The following RBM44 variants were observed in gnomAD, a reference collection of about 807,000 sequenced individuals.
RBM44 encodes RNA binding motif protein 44.
Under a neutral mutation model 105.1 loss-of-function variants are expected in RBM44, and 66 were observed. The observed-to-expected ratio is 0.63, with a 90% CI of 0.52 to 0.77. RBM44 has a LOEUF of 0.77. RBM44 is among the 30% of genes least tolerant of loss of function. RBM44 has a pLI of 0.00. For missense variants in RBM44, 1,122 were observed against 1,207.8 expected, an observed-to-expected ratio of 0.93 and a Z score of 1.05; for synonymous variants, 365 against 417.6, an observed-to-expected ratio of 0.87 and a Z score of 1.54.
chr2:237,823,630 C>A, intron 9 of RBM44, 76 bp downstream of exon 9: 2 of 652,572 alleles, frequency 3.1e-6, no homozygotes, highest in South Asian at 2.1e-5. Flanking sequence ...AGTGTTTATT[C>A]ATTAAATAAA....
rs2061681473 is a variant in RBM44, at chr2:237,813,586, T to G, written c.-18-6T>G. On this transcript the variant is annotated splice_polypyrimidine_tract_variant and splice_region_variant and intron_variant, in intron 1 of 15. Coordinates refer to ENST00000316997, the MANE Select transcript of RBM44 (RefSeq NM_001080504.3). ...AATAATAGTTCAATATTTATACCTT[T>G]TCTAGATTATATATCTTTGAATGAT... The G allele has an allele frequency of 6.7e-7, 1 of 1,494,228 alleles. No individual in the cohort carries two copies. Among genetic ancestry groups the G allele is most frequent in the African/African-American group, 1.4e-5 (1 of 72,434 alleles). The allele number at this position is 1,494,228 out of a possible 1,614,324, so 92.6% of individuals were successfully genotyped here. A position where few individuals can be genotyped will look rare whatever the true frequency, so the allele number is the denominator to read the frequency against.
In RBM44 at chr2:237,803,348, C is replaced by G. The variant is rs1457288598; in HGVS notation, c.-19+4487C>G. On this transcript the variant is annotated intron_variant, in intron 1 of 15. Transcript: ENST00000316997. The surrounding 1 kb of genome is among the most constrained non-coding windows in gnomAD (Gnocchi z 4.2). ...TCTCTCTCTCACACACACACACATA[C>G]TTTCTCTCTCACTCACACACACACA... is the stretch of plus-strand genomic sequence containing the variant. 6.6e-6 allele frequency among the ~76,000 whole-genome samples: 1 copy of G among 150,626 alleles called. No individual in the cohort carries two copies. Among genetic ancestry groups the G allele is most frequent in the South Asian group, 2.1e-4 (1 of 4,748 alleles).
intron 12 of RBM44, among the ~76,000 whole-genome samples, chr2:237,828,268 T>G (rs2061868500): frequency 6.6e-6 from 1 of 152,160 alleles, no homozygotes; most frequent in Admixed American, 6.6e-5. Flanking sequence ...TATAAAATTT[T>G]TATCAATTAA....
chr2:237,833,384 G>A (rs1282297978), intron 13 of RBM44, among the ~76,000 whole-genome samples: 4 of 152,188 alleles, frequency 2.6e-5, no homozygotes, highest in Non-Finnish European at 5.9e-5. Context: ...CCTACTTGCA[G>A]TGTTAACAGT....
chr2:237,830,041 A>G (rs1055997591), intron 13 of RBM44, among the ~76,000 whole-genome samples: 4 of 152,272 alleles, frequency 2.6e-5, no homozygotes, highest in East Asian at 1.9e-4. Flanking sequence ...TTTGGTGCCT[A>G]TAGCTTTAGA....
At chr2:237,811,041 AGCT>A (rs2061653390) in intron 1 of RBM44, among the ~76,000 whole-genome samples, 1 of 152,104 alleles carries the variant, frequency 6.6e-6, no homozygotes, top group South Asian at 2.1e-4. Context: ...CACGCCCTTC[AGCT>A]GCTGCAGCCT....
chr2:237,811,976 TC>T (rs1320974966), intron 1 of RBM44, among the ~76,000 whole-genome samples: 1 of 152,168 alleles, frequency 6.6e-6, no homozygotes, highest in African/African-American at 2.4e-5. Context: ...TGCCTCAGCC[TC>T]CCAAGTAGTT....
Position 237,810,253 on chromosome 2 carries a change from T to C in RBM44, c.-18-3339T>C, listed in dbSNP as rs566070925. On this transcript the variant is annotated intron_variant, in intron 1 of 15. Transcript: ENST00000316997. The stretch of plus-strand genomic sequence containing the variant: ...TGCTGGTCAATGCAGCTCTAGGTAA[T>C]TTTGCTGATCTCCAGACCTCTATAT... 5.3e-5 allele frequency among the ~76,000 whole-genome samples: 8 copies of C among 152,374 alleles called. No homozygotes were observed. In the South Asian group the frequency reaches 1.4e-3, roughly 28 times the overall value.
At chr2:237,840,060 A>G (rs890649870) in intron 15 of RBM44, among the ~76,000 whole-genome samples, 3 of 151,912 alleles carry the variant, frequency 2.0e-5, no homozygotes, top group Non-Finnish European at 4.4e-5. Context: ...ATGATAGCAC[A>G]TACCTATAGT....
At position 237,813,725 on chromosome 2, in the gene RBM44, G is replaced by T. The variant is rs773838936; in HGVS notation, c.73+43G>T. On this transcript the variant is annotated intron_variant, in intron 2 of 15. Transcript: ENST00000316997. The stretch of plus-strand genomic sequence containing the variant: ...TTACCCTTATTCTTGGTGGGGAAGG[G>T]TGTTAAATGTATTGTGCCAGACAGT... 1.4e-5 allele frequency: 18 copies of T among 1,282,612 alleles called. No homozygotes were observed. In the East Asian group the frequency reaches 1.6e-4, roughly 12 times the overall value. The allele number at this position is 1,282,612 out of a possible 1,614,324, so 79.5% of individuals were successfully genotyped here. A position where few individuals can be genotyped will look rare whatever the true frequency, so the allele number is the denominator to read the frequency against.
At chr2:237,811,280 T>G (rs1048685329) in intron 1 of RBM44, among the ~76,000 whole-genome samples, 2 of 152,080 alleles carry the variant, frequency 1.3e-5, no homozygotes, top group Non-Finnish European at 2.9e-5. Context: ...CTGTTTCTTT[T>G]TTTTCCCCTT....
intron 1 of RBM44, among the ~76,000 whole-genome samples, chr2:237,804,236 T>A (rs955179053): frequency 1.3e-5 from 2 of 152,248 alleles, no homozygotes; most frequent in African/African-American, 4.8e-5. Context: ...GTCTTTGCTA[T>A]TGTGAATAGC....
At chr2:237,805,134 T>A (rs2061585933) in intron 1 of RBM44, among the ~76,000 whole-genome samples, 1 of 152,204 alleles carries the variant, frequency 6.6e-6, no homozygotes, top group Non-Finnish European at 1.5e-5. Context: ...GATAAACACC[T>A]TCTGAAAAGT....
At chr2:237,827,628 A>T in intron 12 of RBM44, 125 bp downstream of exon 12, 1 of 638,928 alleles carries the variant, frequency 1.6e-6, no homozygotes, top group South Asian at 2.0e-5. Context: ...TTCACAGGCC[A>T]GGGAAGGGGA....
chr2:237,833,687 A>G (rs1160198711), intron 13 of RBM44, among the ~76,000 whole-genome samples: 1 of 152,142 alleles, frequency 6.6e-6, no homozygotes, highest in Non-Finnish European at 1.5e-5. Flanking sequence ...GAGAGAATTG[A>G]GAAAGTAGTT....
chr2:237,805,655 AAT>A (rs2061592264), intron 1 of RBM44, among the ~76,000 whole-genome samples: 1 of 152,210 alleles, frequency 6.6e-6, no homozygotes, highest in African/African-American at 2.4e-5. Context: ...ACTGAAAATG[AAT>A]CAAAGACTTA....
chr2:237,826,716 T>C (rs1405951008), intron 10 of RBM44, among the ~76,000 whole-genome samples: 1 of 152,102 alleles, frequency 6.6e-6, no homozygotes, highest in Non-Finnish European at 1.5e-5. Context: ...AGATTGAAAA[T>C]ATTTTTTAAA....
intron 10 of RBM44, among the ~76,000 whole-genome samples, chr2:237,826,693 G>A (rs1000636): frequency 6.6e-6 from 1 of 152,070 alleles, no homozygotes; most frequent in Non-Finnish European, 1.5e-5. Context: ...CAAAGACAAA[G>A]ACAATCAACT....
Position 237,817,282 on chromosome 2 carries a change from AAAG to A in RBM44, c.367_369del (p.Lys123del). 1 of 1,607,350 alleles carries A rather than the reference AAAG, an allele frequency of 6.2e-7. No individual in the cohort carries two copies. On this transcript the variant is annotated inframe_deletion, in exon 3 of 16. Coordinates refer to ENST00000316997, the MANE Select transcript of RBM44 (RefSeq NM_001080504.3). ...CTATACCTTATTCAGAGTCAAAACT[AAAG>A]AAGGAAAGTCTTACTCCTTTAAGTT...
Sources: gnomAD v4.1 joint callset for allele counts (sites outside exome capture counted in the v4.1 genomes callset) on GRCh38, gnomAD v4.1.1 for gene constraint, Gnocchi (gnomAD v3.1) non-coding constraint, MANE v1.5 for transcripts, NCBI Gene and HGNC (gene_info 2026-07-23, HGNC 2026-07-21) for gene names.